The following CTTNBP2 variants were observed in gnomAD, a reference collection of about 807,000 sequenced individuals.
The protein encoded by CTTNBP2 is cortactin-binding protein 2.
In CTTNBP2, 108 loss-of-function variants were observed where a neutral mutation model predicts 156.9. The ratio of observed to expected loss-of-function variants is 0.69; its 90% CI spans 0.59 to 0.81. The LOEUF is 0.81. Ranked by LOEUF, CTTNBP2 falls within the 30% of genes least tolerant of loss-of-function variation. The probability of loss-of-function intolerance (pLI) is 0.00; values close to 1 mark genes in which losing one functional copy is unlikely to be tolerated. For missense variants in CTTNBP2, 1,924 were observed against 2,035.4 expected (o/e 0.95, Z 1.05); for synonymous variants, 767 against 751.8 (o/e 1.02, Z -0.33).
At chr7:117,780,671 G>GA (rs1798378944) in intron 6 of CTTNBP2, 80 bp from the exon 7 acceptor site, 1 of 791,204 alleles carries the variant, frequency 1.3e-6, no homozygotes, top group East Asian at 2.9e-5. Flanking sequence ...ATTAAATACA[G>GA]AAAAGAAAGC....
intron 2 of CTTNBP2, among the ~76,000 whole-genome samples, chr7:117,823,608 A>G (rs1317364640): frequency 6.6e-6 from 1 of 152,190 alleles, no homozygotes; most frequent in East Asian, 1.9e-4. Context: ...TCAGGTCAAC[A>G]CTCAATGGCA....
chr7:117,849,738 C>A (rs1205145390), intron 2 of CTTNBP2, among the ~76,000 whole-genome samples: 1 of 152,290 alleles, frequency 6.6e-6, no homozygotes, highest in East Asian at 1.9e-4. Flanking sequence ...AAGAATGCCA[C>A]CTCTTCCCAG....
intron 3 of CTTNBP2, among the ~76,000 whole-genome samples, chr7:117,805,932 T>C (rs1298508967): frequency 6.6e-6 from 1 of 152,194 alleles, no homozygotes; most frequent in African/African-American, 2.4e-5. Context: ...ATTCCACTTA[T>C]TTGATTGTAG....
chr7:117,735,122 T>A (rs1426602110), intron 15 of CTTNBP2, 22 bp from the exon 16 acceptor site: 1 of 1,606,246 alleles, frequency 6.2e-7, no homozygotes, highest in Non-Finnish European at 8.5e-7. Context: ...CAAAAAGCAA[T>A]GGCCCATCCT....
At chr7:117,799,911 GC>G (rs1324031304) in intron 3 of CTTNBP2, among the ~76,000 whole-genome samples, 6 of 151,888 alleles carry the variant, frequency 4.0e-5, no homozygotes, top group Non-Finnish European at 8.8e-5. Context: ...ATTTACAATA[GC>G]ATCAAAAAAT....
chr7:117,805,762 A>ACTTGTGC, intron 3 of CTTNBP2, among the ~76,000 whole-genome samples: 1 of 152,324 alleles, frequency 6.6e-6, no homozygotes, highest in South Asian at 2.1e-4. Flanking sequence ...AGGTCAGTAT[A>ACTTGTGC]ACAGCAGTGA....
intron 3 of CTTNBP2, among the ~76,000 whole-genome samples, chr7:117,796,017 G>T (rs933717570): frequency 1.6e-4 from 25 of 152,094 alleles, no homozygotes; most frequent in African/African-American, 6.0e-4. Context: ...CCACTCAACT[G>T]ACTTAGTCTC....
At position 117,710,688 on chromosome 7, in the gene CTTNBP2, C is replaced by G. The variant is rs1332642896; in HGVS notation, c.*849G>C. 6.6e-6 allele frequency: 1 copy of G among 152,514 alleles called. No individual in the cohort carries two copies. The highest frequency in any genetic ancestry group is 6.5e-5 in the Admixed American group (1 of 15,276). 9.4% of individuals were successfully genotyped at this position (152,514 alleles called of 1,614,324 possible). A position where few individuals can be genotyped will look rare whatever the true frequency, so the allele number is the denominator to read the frequency against. Reference sequence around the variant, plus strand: ...AATATTTTATTCAGTGTCAAAGCATCTTAACTGAATTGTGTAAGTAATTTT... The same window carrying G: ...AATATTTTATTCAGTGTCAAAGCATGTTAACTGAATTGTGTAAGTAATTTT... On this transcript the variant is annotated 3_prime_UTR_variant, in exon 23 of 23. Transcript: ENST00000160373.
chr7:117,756,628 T>G lies in CTTNBP2; in HGVS notation c.3275A>C (p.Gln1092Pro). 6.2e-7 allele frequency: 1 copy of G among 1,611,562 alleles called. No homozygotes were observed. The highest frequency in any genetic ancestry group is 1.7e-5 in the Admixed American group (1 of 60,008). ...AGTCACACTACTGAGACAGCCTTCT[T>G]GAGGACCTGTAGGAAAGGACAGACG... ...EHITVLLSGP[Q>P]EGCLSSVTYA... is the part of the protein sequence containing the mutation. Residue 1092 changes from glutamine (Q) to proline (P), a missense_variant, in exon 12 of 23, where the codon CAA becomes CCA. Coordinates refer to ENST00000160373, the MANE Select transcript of CTTNBP2 (RefSeq NM_033427.3).
chr7:117,833,386 A>G (rs1204253994), intron 2 of CTTNBP2, among the ~76,000 whole-genome samples: 1 of 152,148 alleles, frequency 6.6e-6, no homozygotes, highest in Admixed American at 6.5e-5. Context: ...TTCCTTCATG[A>G]CAGTCATTTC....
intron 2 of CTTNBP2, among the ~76,000 whole-genome samples, chr7:117,827,977 C>A (rs1456486477): frequency 6.6e-6 from 1 of 152,144 alleles, no homozygotes; most frequent in Admixed American, 6.5e-5. Flanking sequence ...CCTAAAGAAC[C>A]AGCCTTGGCC....
chr7:117,852,518 C>A (rs1395769726), intron 2 of CTTNBP2, among the ~76,000 whole-genome samples: 1 of 152,156 alleles, frequency 6.6e-6, no homozygotes, highest in African/African-American at 2.4e-5. Context: ...CATGTTCTCT[C>A]TCATCCTATT....
chr7:117,779,848 C>A (rs1159325742), intron 7 of CTTNBP2, among the ~76,000 whole-genome samples: 1 of 152,060 alleles, frequency 6.6e-6, no homozygotes, highest in Non-Finnish European at 1.5e-5. Context: ...ACAACCTCTG[C>A]CTCCCAGGTT....
At position 117,779,851 on chromosome 7, in the gene CTTNBP2, C is replaced by A. The variant is rs550518622; in HGVS notation, c.2523+590G>T. Reference sequence around the variant, plus strand: ...TCTCAGCTCACCACAACCTCTGCCTCCCAGGTTCAAGCGATTCTCCTGCCT... The same window carrying A: ...TCTCAGCTCACCACAACCTCTGCCTACCAGGTTCAAGCGATTCTCCTGCCT... On this transcript the variant is annotated intron_variant, in intron 7 of 22. Transcript: ENST00000160373. Among the ~76,000 whole-genome samples, 4 of 152,208 alleles carry A rather than the reference C, an allele frequency of 2.6e-5. No homozygotes were observed. In the South Asian group the frequency reaches 8.3e-4, roughly 32 times the overall value.
At position 117,791,510 on chromosome 7, in the gene CTTNBP2, T is replaced by G. The variant is rs1799008489; in HGVS notation, c.1686A>C (p.Gln562His). ...TGCTGCTGTCTATAATAACCTTGAG[T>G]TGGGGGTGTGGTGGAGAAGGAGTTT... is the stretch of plus-strand genomic sequence containing the variant. ...LSQTPSPPHP[Q>H]LKVIIDSSRA... Residue 562 changes from glutamine (Q) to histidine (H), a missense_variant, in exon 4 of 23, where the codon CAA (glutamine) becomes CAC (histidine). Transcript: ENST00000160373. 1 of 1,613,850 alleles carries G rather than the reference T, an allele frequency of 6.2e-7. No homozygotes were observed. The highest frequency in any genetic ancestry group is 1.7e-5 in the Admixed American group (1 of 59,992).
rs530033983 is a variant in CTTNBP2, at chr7:117,720,945, T to C, written c.4511+122A>G. ...TCAGCATTTGAATGACATATATAAC[T>C]TTTTTAAAACCATATTAACATAATA... On this transcript the variant is annotated intron_variant, in intron 20 of 22. Transcript: ENST00000160373. The C allele has an allele frequency of 1.6e-4, 118 of 741,368 alleles. 2 individuals carry two copies. In the South Asian group the frequency reaches 1.7e-3, roughly 11 times the overall value. The allele number at this position is 741,368 out of a possible 1,614,324, so 45.9% of individuals were successfully genotyped here.
At chr7:117,806,632 G>A (rs930550264) in intron 3 of CTTNBP2, among the ~76,000 whole-genome samples, 1 of 151,966 alleles carries the variant, frequency 6.6e-6, no homozygotes, top group Admixed American at 6.6e-5. Flanking sequence ...CAGTGATCTG[G>A]GCTATACAGT....
chr7:117,849,457 C>A (rs111906750), intron 2 of CTTNBP2, among the ~76,000 whole-genome samples: 4 of 152,232 alleles, frequency 2.6e-5, no homozygotes, highest in African/African-American at 9.6e-5. Flanking sequence ...AGAACAAAAG[C>A]CTCAGATCAT....
In CTTNBP2 at chr7:117,728,196, A is replaced by AC. The variant is rs746823550; in HGVS notation, c.3947dup (p.Gln1317SerfsTer3). The AC allele has an allele frequency of 1.2e-5, 19 of 1,614,190 alleles. No individual in the cohort carries two copies. In the East Asian group the frequency reaches 4.2e-4, roughly 36 times the overall value. On this transcript the variant is annotated frameshift_variant, in exon 17 of 23. Transcript: ENST00000160373. LOFTEE classifies it high-confidence loss of function. ...AGCGGGCCAGGCAGGAGTTAAGCTG[A>AC]CGCCAGACGGACAGAGCCCAGTCGA...
Sources: gnomAD v4.1 joint callset for allele counts (sites outside exome capture counted in the v4.1 genomes callset) on GRCh38, gnomAD v4.1.1 for gene constraint, MANE v1.5 for transcripts, NCBI Gene and HGNC (gene_info 2026-07-23, HGNC 2026-07-21) for gene names.